USP47: variants seen among roughly 807,000 people sequenced by gnomAD.
USP47 encodes the protein ubiquitin specific peptidase 47.
A neutral mutation model predicts 165.1 loss-of-function variants in USP47; 35 were observed. That is an observed-to-expected ratio of 0.21 (90% CI 0.16 to 0.28). The LOEUF (loss-of-function observed/expected upper bound fraction) is 0.28, where lower values mean the gene tolerates loss of function less well. USP47 is among the 10% of genes least tolerant of loss of function. USP47 has a pLI of 1.00. For synonymous variants in USP47, 531 were observed against 544.5 expected, an observed-to-expected ratio of 0.98 and a Z score of 0.35; for missense variants, 1,277 against 1,607.4, an observed-to-expected ratio of 0.79 and a Z score of 3.52.
At chr11:11,882,983 A>G in intron 2 of USP47, among the ~76,000 whole-genome samples, 1 of 152,132 alleles carries the variant, frequency 6.6e-6, no homozygotes, top group Non-Finnish European at 1.5e-5. Context: ...CCTCCTGTAC[A>G]TTTCTACAAA....
chr11:11,910,540 G>C (rs1439055592), intron 8 of USP47, among the ~76,000 whole-genome samples: 1 of 151,924 alleles, frequency 6.6e-6, no homozygotes, highest in Non-Finnish European at 1.5e-5. Context: ...CACCTCCCAG[G>C]GGTAAAGAGG....
intron 1 of USP47, among the ~76,000 whole-genome samples, chr11:11,849,084 T>C (rs2134128032): frequency 6.6e-6 from 1 of 152,004 alleles, no homozygotes; most frequent in African/African-American, 2.4e-5. Context: ...CCGCATTTCA[T>C]AGAGATGGAG....
In USP47 at chr11:11,960,279, C is replaced by G. The variant is rs1476507555; in HGVS notation, c.*4104C>G. Reference sequence around the variant, plus strand: ...GGGGGAAGACATGTGCTAACCACTTCTTAGCAATGAGGCTGGTAAGGTTAC... The same window carrying G: ...GGGGGAAGACATGTGCTAACCACTTGTTAGCAATGAGGCTGGTAAGGTTAC... On this transcript the variant is annotated 3_prime_UTR_variant, in exon 28 of 28. Coordinates refer to ENST00000527733, the MANE Select transcript of USP47 (RefSeq NM_001282659.2). Among the ~76,000 whole-genome samples, 1 of 152,082 alleles carries G rather than the reference C, an allele frequency of 6.6e-6. No homozygotes were observed.
At chr11:11,862,318 A>G (rs1849429760) in intron 1 of USP47, among the ~76,000 whole-genome samples, 1 of 152,136 alleles carries the variant, frequency 6.6e-6, no homozygotes, top group Admixed American at 6.6e-5. Flanking sequence ...TAGATTTTCT[A>G]CTTCTGTGGT....
rs1212542287 is a variant in USP47, at chr11:11,854,125, A to G, written c.39+11901A>G. 9.2e-4 allele frequency among the ~76,000 whole-genome samples: 113 copies of G among 122,790 alleles called. 3 individuals are homozygous for G. The highest frequency in any genetic ancestry group is 3.3e-3 in the African/African-American group (108 of 33,142). 80.6% of individuals were successfully genotyped at this position (122,790 alleles called of 152,430 possible). On this transcript the variant is annotated intron_variant, in intron 1 of 27. Transcript: ENST00000527733. ...ACTCCAGCTAGGGGGACAGGGCGAG[A>G]CTCCGTCTCAAAAAAAAAAAAAAAA...
chr11:11,904,895 T>C (rs965914878), intron 7 of USP47, among the ~76,000 whole-genome samples: 17 of 152,190 alleles, frequency 1.1e-4, no homozygotes, highest in African/African-American at 3.9e-4. Context: ...GATTTGCATC[T>C]TGAGCTAGAG....
chr11:11,950,368 C>T lies in USP47; in HGVS notation c.3469C>T (p.Arg1157Cys), dbSNP rs1166025059. ...CGLELSIDRF[R>C]LRKKTWKNPG... ...AATGTCTTATCACATTTGTAGGTTT[C>T]GTCTAAGGAAAAAAACATGGAAGAA... is the stretch of plus-strand genomic sequence containing the variant. Residue 1157 changes from arginine to cysteine, a missense_variant, in exon 24 of 28, where the codon CGT (arginine) becomes TGT (cysteine). Around this residue, in one of 4 missense-constraint regions of USP47, gnomAD observed 909 missense variants for 1,068.1 expected, o/e 0.85. Transcript: ENST00000527733. The T allele has an allele frequency of 3.2e-6, 5 of 1,582,726 alleles. No homozygotes were observed. Among genetic ancestry groups the T allele is most frequent in the Non-Finnish European group, 3.4e-6 (4 of 1,165,508 alleles).
At chr11:11,944,869 G>A (rs1855721715) in intron 20 of USP47, among the ~76,000 whole-genome samples, 1 of 152,188 alleles carries the variant, frequency 6.6e-6, no homozygotes, top group South Asian at 2.1e-4. Context: ...TTAGAATGAT[G>A]TGCTAAAAAT....
chr11:11,906,039 A>G (rs1852539726), intron 8 of USP47, among the ~76,000 whole-genome samples: 1 of 152,196 alleles, frequency 6.6e-6, no homozygotes, highest in South Asian at 2.1e-4. Flanking sequence ...ACATTGTAGT[A>G]GCACAGATAA....
At chr11:11,944,322 C>G (rs1855679826) in intron 20 of USP47, among the ~76,000 whole-genome samples, 1 of 151,716 alleles carries the variant, frequency 6.6e-6, no homozygotes, top group Non-Finnish European at 1.5e-5. Context: ...TCTGCTAAAA[C>G]AAAGTAGTAG....
rs562799485 is a variant in USP47, at chr11:11,933,697, AATAG to A, written c.1765-128_1765-125del. 3,922 of 595,194 alleles carry A rather than the reference AATAG, an allele frequency of 6.6e-3. 20 individuals are homozygous for A. Among genetic ancestry groups the A allele is most frequent in the Non-Finnish European group, 9.0e-3 (3,096 of 343,256 alleles). 36.9% of individuals were successfully genotyped at this position (595,194 alleles called of 1,614,324 possible). ...TGGTGTCAATTACTAAGTGAGAAAG[AATAG>A]ATAGAAGAGTGATCTCAATTATGTT... On this transcript the variant is annotated intron_variant, in intron 15 of 27. Transcript: ENST00000527733.
rs1456890933 is a variant in USP47, at chr11:11,897,598, A to G, written c.498A>G (p.Gly166=). ...TACATTTGTATTTTCTCTTTAAAGG[A>G]TATGTGGGACTAGTAAACCAAGCAA... ...YSSILNKSET[G]YVGLVNQAMT... The change falls in exon 5 of 28, where the codon GGA becomes GGG. Residue 166 remains glycine (G), a splice_region_variant and synonymous_variant. Transcript: ENST00000527733. 14 of 1,601,014 alleles carry G rather than the reference A, an allele frequency of 8.7e-6. No homozygotes were observed. In the East Asian group the frequency reaches 1.8e-4, roughly 20 times the overall value.
chr11:11,940,142 TG>T (rs1855364157), intron 18 of USP47, among the ~76,000 whole-genome samples: 1 of 152,034 alleles, frequency 6.6e-6, no homozygotes, highest in Admixed American at 6.6e-5. Context: ...CTCATTTACT[TG>T]GCAAGTTTGA....
At position 11,948,548 on chromosome 11, in the gene USP47, A is replaced by G. The variant is rs200605492; in HGVS notation, c.3338A>G (p.Asn1113Ser). 273 of 1,610,670 alleles carry G rather than the reference A, an allele frequency of 1.7e-4. No homozygotes were observed. Among genetic ancestry groups the G allele is most frequent in the Admixed American group, 2.5e-4 (15 of 59,972 alleles). Residue 1113 changes from asparagine to serine, a missense_variant, in exon 22 of 28, where the codon AAT becomes AGT. Asn to Ser is a conservative substitution (Grantham distance 46). Transcript: ENST00000527733. Reference protein sequence around the residue: ...YRVKVYQLLVNEQEPCKFLLD... With the variant: ...YRVKVYQLLVSEQEPCKFLLD... ...GTTAAAGTATACCAGCTTTTGGTCAATGAACAAGAGGTAAGTAATACGTTT... is the reference window on the plus strand; with the variant it reads ...GTTAAAGTATACCAGCTTTTGGTCAGTGAACAAGAGGTAAGTAATACGTTT...
In USP47 at chr11:11,935,665, T is replaced by C. The variant is rs191289835; in HGVS notation, c.1870-638T>C. ...CTTCTAAGCAATCCTACTGTGTTTCTCTAGGAGGCTTATTTCCTATCAAGA... is the reference window on the plus strand; with the variant it reads ...CTTCTAAGCAATCCTACTGTGTTTCCCTAGGAGGCTTATTTCCTATCAAGA... On this transcript the variant is annotated intron_variant, in intron 16 of 27. Coordinates refer to ENST00000527733, the MANE Select transcript of USP47 (RefSeq NM_001282659.2). Among the ~76,000 whole-genome samples the C allele has an allele frequency of 3.3e-5, 5 of 152,110 alleles. No homozygotes were observed. The East Asian group carries it at 9.7e-4, about 29-fold the overall frequency.
At chr11:11,929,740 TCTTTGTTTTG>T (rs1189904875) in intron 12 of USP47, among the ~76,000 whole-genome samples, 175 bp downstream of exon 12, 1 of 152,178 alleles carries the variant, frequency 6.6e-6, no homozygotes, top group Non-Finnish European at 1.5e-5. Context: ...GTTTATTATT[TCTTTGTTTTG>T]CTTTGTTTTG....
At chr11:11,863,345 A>G (rs1201796583) in intron 1 of USP47, among the ~76,000 whole-genome samples, 1 of 152,246 alleles carries the variant, frequency 6.6e-6, no homozygotes, top group African/African-American at 2.4e-5. Flanking sequence ...CTAAAAAATT[A>G]TAACTTGATG....
Position 11,932,962 on chromosome 11 carries a change from A to G in USP47, c.1652-42A>G, listed in dbSNP as rs563292895. 2.7e-6 allele frequency: 4 copies of G among 1,488,492 alleles called. No homozygotes were observed. In the East Asian group the frequency reaches 9.1e-5, roughly 34 times the overall value. The allele number at this position is 1,488,492 out of a possible 1,614,324, so 92.2% of individuals were successfully genotyped here. A position where few individuals can be genotyped will look rare whatever the true frequency, so the allele number is the denominator to read the frequency against. On this transcript the variant is annotated intron_variant, in intron 14 of 27. Coordinates refer to ENST00000527733, the MANE Select transcript of USP47 (RefSeq NM_001282659.2). Reference sequence around the variant, plus strand: ...GAAGCAGGATGAATAAAGGCAGCTCAGTTTCAGTGACACTGTCTTATCCTG... The same window carrying G: ...GAAGCAGGATGAATAAAGGCAGCTCGGTTTCAGTGACACTGTCTTATCCTG...
chr11:11,914,517 A>G (rs1853263079), intron 8 of USP47, among the ~76,000 whole-genome samples: 1 of 152,190 alleles, frequency 6.6e-6, no homozygotes, highest in Admixed American at 6.5e-5. Context: ...TACCAAAAGT[A>G]CAGTCTACAA....
Sources: gnomAD v4.1 joint callset for allele counts (sites outside exome capture counted in the v4.1 genomes callset) on GRCh38, gnomAD v4.1.1 for gene constraint, gnomAD v4.1.1 regional missense constraint, MANE v1.5 for transcripts, NCBI Gene and HGNC (gene_info 2026-07-23, HGNC 2026-07-21) for gene names.